OMA1: variants seen among roughly 807,000 people sequenced by gnomAD.
OMA1 encodes metalloendopeptidase OMA1, mitochondrial.
A neutral mutation model predicts 30.9 loss-of-function variants in OMA1; 38 were observed. The observed-to-expected ratio is 1.23, with a 90% CI of 0.95 to 1.61. The LOEUF is 1.61. Among genes scored for constraint, OMA1 ranks in the 40% most tolerant of loss-of-function variants. OMA1 has a pLI of 0.00. For synonymous variants in OMA1, 173 were observed against 121.9 expected (o/e 1.42, Z -2.76); for missense variants, 461 against 349.2 (o/e 1.32, Z -2.55).
chr1:58,504,824 T>G (rs7548248), intron 8 of OMA1, among the ~76,000 whole-genome samples: 148,856 of 152,208 alleles, frequency 0.98, 72,875 homozygotes, highest in East Asian at 1. Flanking sequence ...CATTTTTTAT[T>G]TATCTTAGCA....
Position 58,536,586 on chromosome 1 carries a change from A to G in OMA1, c.656T>C (p.Ile219Thr), listed in dbSNP as rs369685742. The G allele has an allele frequency of 8.0e-6, 7 of 872,842 alleles. No homozygotes were observed. Among genetic ancestry groups the G allele is most frequent in the East Asian group, 7.2e-5 (3 of 41,672 alleles). The allele number at this position is 872,842 out of a possible 1,614,324, so 54.1% of individuals were successfully genotyped here. ...FYFTHLEVSPITGRSKLLLLG... is the reference protein window; with the variant it reads ...FYFTHLEVSPTTGRSKLLLLG... Reference sequence around the variant, plus strand: ...TAATAGTAGCTTGCTCCTTCCTGTGATTGGACTTACTTCCAGGTGAGTAAA... The same window carrying G: ...TAATAGTAGCTTGCTCCTTCCTGTGGTTGGACTTACTTCCAGGTGAGTAAA... The change falls in exon 3 of 9, where the codon ATC (isoleucine) becomes ACC (threonine). Residue 219 changes from isoleucine to threonine, a missense_variant. Transcript: ENST00000371226.
intron 7 of OMA1, among the ~76,000 whole-genome samples, chr1:58,510,153 C>T (rs1453259375): frequency 6.6e-6 from 1 of 151,902 alleles, no homozygotes; most frequent in Non-Finnish European, 1.5e-5. Context: ...AGCCATTACC[C>T]TGATACCTAT....
chr1:58,539,190 T>A lies in OMA1; in HGVS notation c.105A>T (p.Ser35=), dbSNP rs745840562. ...TAACTTGTACTTGATGACAGCCCCG[T>A]GAGGTGGATGCTAATGTGTTACATT... ...WRKCNTLAST[S]RGCHQVQVNH... Residue 35 remains serine, a synonymous_variant, in exon 2 of 9, where the codon TCA becomes TCT. Transcript: ENST00000371226. 2.3e-6 allele frequency: 2 copies of A among 872,824 alleles called. No individual in the cohort carries two copies. Among genetic ancestry groups the A allele is most frequent in the East Asian group, 2.4e-5 (1 of 41,714 alleles). 54.1% of individuals were successfully genotyped at this position (872,824 alleles called of 1,614,324 possible). A position where few individuals can be genotyped will look rare whatever the true frequency, so the allele number is the denominator to read the frequency against.
intron 7 of OMA1, among the ~76,000 whole-genome samples, chr1:58,512,600 C>T (rs537106746): frequency 5.3e-5 from 8 of 152,238 alleles, no homozygotes; most frequent in East Asian, 1.9e-4. Context: ...TGCAACAATA[C>T]GGATAAACCT....
At chr1:58,524,014 T>A (rs1489939189) in intron 7 of OMA1, among the ~76,000 whole-genome samples, 1 of 152,206 alleles carries the variant, frequency 6.6e-6, no homozygotes, top group Non-Finnish European at 1.5e-5. Flanking sequence ...GCAGGCCTTT[T>A]TGCTTTACAA....
At chr1:58,544,639 G>C (rs1319053508) in intron 1 of OMA1, among the ~76,000 whole-genome samples, 1 of 152,178 alleles carries the variant, frequency 6.6e-6, no homozygotes, top group Non-Finnish European at 1.5e-5. Context: ...TCGTTGTCCA[G>C]GCTGGAGTGC....
At chr1:58,505,174 AC>A (rs1557444693) in intron 8 of OMA1, among the ~76,000 whole-genome samples, 1 of 151,966 alleles carries the variant, frequency 6.6e-6, no homozygotes, top group Non-Finnish European at 1.5e-5. Flanking sequence ...CTGGTCTCGA[AC>A]TCCTGACCTC....
Position 58,536,741 on chromosome 1 carries a change from C to T in OMA1, c.501G>A (p.Arg167=). 1 of 867,304 alleles carries T rather than the reference C, an allele frequency of 1.2e-6. No homozygotes were observed. The highest frequency in any genetic ancestry group is 2.0e-6 in the Non-Finnish European group (1 of 499,986). The allele number at this position is 867,304 out of a possible 1,614,324, so 53.7% of individuals were successfully genotyped here. A position where few individuals can be genotyped will look rare whatever the true frequency, so the allele number is the denominator to read the frequency against. The change falls in exon 3 of 9, where the codon AGG becomes AGA. Residue 167 remains arginine, a splice_region_variant and synonymous_variant. Transcript: ENST00000371226. ...VQKLFAIIVG[R]GIRKWWQALP... is the part of the protein sequence containing the mutation. ...GTGCCTGCCACCATTTCCTTATGCC[C>T]CTAAAGCAAAAAGAAAAATTCAAAG...
At chr1:58,517,111 T>C (rs377598694) in intron 7 of OMA1, among the ~76,000 whole-genome samples, 2 of 152,202 alleles carry the variant, frequency 1.3e-5, no homozygotes, top group Non-Finnish European at 2.9e-5. Context: ...GGAAGTACTA[T>C]CATGATTCTC....
chr1:58,510,474 C>T (rs768775942), intron 7 of OMA1, among the ~76,000 whole-genome samples: 4 of 151,946 alleles, frequency 2.6e-5, no homozygotes, highest in African/African-American at 4.8e-5. Flanking sequence ...AAAATTATCT[C>T]GACATAATTA....
intron 7 of OMA1, among the ~76,000 whole-genome samples, 192 bp downstream of exon 7, chr1:58,527,069 A>G (rs1359512125): frequency 6.6e-6 from 1 of 152,114 alleles, no homozygotes; most frequent in Non-Finnish European, 1.5e-5. Flanking sequence ...TATAGAAGGG[A>G]ATTGAGACTC....
At chr1:58,514,231 T>C (rs1002562224) in intron 7 of OMA1, among the ~76,000 whole-genome samples, 2 of 152,156 alleles carry the variant, frequency 1.3e-5, no homozygotes, top group Non-Finnish European at 2.9e-5. Flanking sequence ...TTAAGGAACA[T>C]ATTGAGAAAG....
chr1:58,528,113 A>T (rs1646380080), intron 6 of OMA1, among the ~76,000 whole-genome samples: 1 of 152,254 alleles, frequency 6.6e-6, no homozygotes, highest in Non-Finnish European at 1.5e-5. Context: ...GTATGTGACC[A>T]TTACAAATGA....
At chr1:58,492,933 T>A (rs1016333800) in intron 8 of OMA1, among the ~76,000 whole-genome samples, 1 of 152,176 alleles carries the variant, frequency 6.6e-6, no homozygotes, top group African/African-American at 2.4e-5. Context: ...AGCATCATCC[T>A]GATACCAAAG....
intron 8 of OMA1, among the ~76,000 whole-genome samples, chr1:58,491,445 T>C (rs7523411): frequency 0.18 from 27,031 of 151,986 alleles, 2,540 homozygotes; most frequent in Middle Eastern, 0.23. Flanking sequence ...GGGCTAAATG[T>C]TCCAATCAAA....
Position 58,534,297 on chromosome 1 carries a change from T to C in OMA1, c.764A>G (p.Glu255Gly), listed in dbSNP as rs777645857. The C allele has an allele frequency of 3.5e-6, 3 of 862,380 alleles. No homozygotes were observed. Among genetic ancestry groups the C allele is most frequent in the Non-Finnish European group, 6.0e-6 (3 of 499,148 alleles). The allele number at this position is 862,380 out of a possible 1,614,324, so 53.4% of individuals were successfully genotyped here. The change falls in exon 4 of 9, where the codon GAG becomes GGG. Residue 255 changes from glutamate (E) to glycine (G), a missense_variant. Glu to Gly is a moderately conservative substitution (Grantham distance 98). Coordinates refer to ENST00000371226, the MANE Select transcript of OMA1 (RefSeq NM_145243.5). ...AACAGCCAGGTATCGGGCATCTTTC[T>C]CAGTTAGCATATCATTTTTAAATTC... ...MEEFKNDMLT[E>G]KDARYLAVKE...
chr1:58,486,723 A>G (rs1028335114), intron 8 of OMA1, among the ~76,000 whole-genome samples: 11 of 152,208 alleles, frequency 7.2e-5, no homozygotes, highest in African/African-American at 2.7e-4. Flanking sequence ...AAGGGAAGCG[A>G]TTTAAGATTA....
At chr1:58,519,836 A>G (rs1278456774) in intron 7 of OMA1, among the ~76,000 whole-genome samples, 2 of 152,244 alleles carry the variant, frequency 1.3e-5, no homozygotes, top group Non-Finnish European at 2.9e-5. Context: ...AAATTTATAA[A>G]AGAGCATCAA....
chr1:58,495,391 C>T (rs893208125), intron 8 of OMA1, among the ~76,000 whole-genome samples: 4 of 152,106 alleles, frequency 2.6e-5, no homozygotes, highest in African/African-American at 9.7e-5. Context: ...GCATGTTGTG[C>T]ACATGTACCC....
Sources: allele counts gnomAD v4.1 joint callset (sites outside exome capture counted in the v4.1 genomes callset), GRCh38; gene constraint gnomAD v4.1.1; transcripts MANE v1.5; gene names NCBI Gene and HGNC (gene_info 2026-07-23, HGNC 2026-07-21).